The following PLCD4 variants were observed in gnomAD, a reference collection of about 807,000 sequenced individuals.
The protein encoded by PLCD4 is 1-phosphatidylinositol 4,5-bisphosphate phosphodiesterase delta-4.
PLCD4 carries 63 observed loss-of-function variants against 90.2 expected under a neutral mutation model. The observed-to-expected ratio is 0.70, with a 90% CI of 0.57 to 0.86. The LOEUF (loss-of-function observed/expected upper bound fraction) is 0.86. Among genes scored for constraint, PLCD4 ranks in the 40% least tolerant of loss-of-function variants. PLCD4 has a pLI of 0.00. For synonymous variants in PLCD4, 294 were observed against 356.5 expected (o/e 0.82, Z 1.97); for missense variants, 830 against 956.3 (o/e 0.87, Z 1.74).
At chr2:218,616,923 TATATAGAGAGAGAGAGAGAGAGAG>T (rs1695620759) in intron 3 of PLCD4, among the ~76,000 whole-genome samples, 1 of 24,140 alleles carries the variant, frequency 4.1e-5, no homozygotes, top group Non-Finnish European at 7.5e-5. Context: ...TATATATATA[TATATAGAGAGAGAGAGAGAGAGAG>T]AGAGAGAGAG....
At chr2:218,616,962 A>AGAGAT (rs1695637189) in intron 3 of PLCD4, among the ~76,000 whole-genome samples, 2 of 102,374 alleles carry the variant, frequency 2.0e-5, no homozygotes, top group African/African-American at 3.4e-5. Flanking sequence ...AGAGAGAGAG[A>AGAGAT]GAGAGAGAGA....
intron 6 of PLCD4, among the ~76,000 whole-genome samples, chr2:218,623,669 C>A (rs1024547471): frequency 6.6e-6 from 1 of 152,026 alleles, no homozygotes; most frequent in Non-Finnish European, 1.5e-5. Flanking sequence ...TCTCTATGTA[C>A]CTTTTCCTTT....
At chr2:218,625,878 G>A (rs935431208) in intron 6 of PLCD4, among the ~76,000 whole-genome samples, 3 of 152,144 alleles carry the variant, frequency 2.0e-5, no homozygotes, top group Non-Finnish European at 4.4e-5. Context: ...AGGTTGCAGT[G>A]AGTGGAAATC....
intron 1 of PLCD4, among the ~76,000 whole-genome samples, 157 bp from the exon 2 acceptor site, chr2:218,615,550 T>C (rs1399679945): frequency 2.6e-5 from 4 of 152,240 alleles, no homozygotes; most frequent in African/African-American, 9.6e-5. Flanking sequence ...GGATCAGACA[T>C]ATCTTGGTTT....
chr2:218,616,194 A>T, intron 3 of PLCD4, 132 bp downstream of exon 3: 1 of 1,015,192 alleles, frequency 9.9e-7, no homozygotes, highest in Non-Finnish European at 1.4e-6. Context: ...CTGAGCCTGT[A>T]AAAGGAGATC....
Position 218,634,335 on chromosome 2 carries a change from T to G in PLCD4, c.1723+114T>G. ...TCAAGAAAATTGCTAGGCTGAGAAA[T>G]GCTATCAGTGGATATTACCAGCAGG... On this transcript the variant is annotated intron_variant, in intron 12 of 15. Coordinates refer to ENST00000450993, the MANE Select transcript of PLCD4 (RefSeq NM_032726.4). The surrounding 1 kb of genome is among the most constrained non-coding windows in gnomAD (Gnocchi z 4.0). 6.4e-7 allele frequency: 1 copy of G among 1,571,984 alleles called. No homozygotes were observed. Among genetic ancestry groups the G allele is most frequent in the African/African-American group, 1.3e-5 (1 of 74,252 alleles).
intron 7 of PLCD4, 89 bp from the exon 8 acceptor site, chr2:218,629,430 C>T: frequency 1.4e-6 from 2 of 1,468,290 alleles, no homozygotes; most frequent in South Asian, 1.3e-5. Context: ...TGCTGGTGAG[C>T]ACTGTTCTCT....
intron 5 of PLCD4, chr2:218,622,238 T>G (rs575459512): frequency 6.4e-6 from 1 of 157,158 alleles, no homozygotes; most frequent in Non-Finnish European, 1.4e-5. Flanking sequence ...TGTGAGTAAA[T>G]AGGAGGAGGG....
In PLCD4 at chr2:218,633,828, AG is replaced by A. The variant is rs774613495; in HGVS notation, c.1606+69del. 25 of 1,561,524 alleles carry A rather than the reference AG, an allele frequency of 1.6e-5. No homozygotes were observed. The African/African-American group carries it at 3.4e-4, about 21-fold the overall frequency. On this transcript the variant is annotated intron_variant, in intron 11 of 15. Coordinates refer to ENST00000450993, the MANE Select transcript of PLCD4 (RefSeq NM_032726.4). ...ATAGGTTCAGGCCTGATGGACTGGC[AG>A]GTAAGTCCCAAGAAAAAAGACAAGG...
At chr2:218,629,406 T>G (rs912561668) in intron 7 of PLCD4, 113 bp from the exon 8 acceptor site, 1 of 1,250,092 alleles carries the variant, frequency 8.0e-7, no homozygotes, top group South Asian at 1.4e-5. Context: ...CTTGAAGGGG[T>G]CTGGATGGGT....
At chr2:218,614,089 G>A (rs983128188) in intron 1 of PLCD4, among the ~76,000 whole-genome samples, 3 of 149,968 alleles carry the variant, frequency 2.0e-5, no homozygotes, top group East Asian at 3.9e-4. Flanking sequence ...GCGTAATCTC[G>A]GCCCACTGCA....
Position 218,636,547 on chromosome 2 carries a change from C to A in PLCD4, c.2259C>A (p.Ile753=). The A allele has an allele frequency of 1.2e-6, 2 of 1,613,988 alleles. No individual in the cohort carries two copies. Among genetic ancestry groups the A allele is most frequent in the South Asian group, 1.1e-5 (1 of 91,080 alleles). The change falls in exon 16 of 16, where the codon ATC becomes ATA. Residue 753 remains isoleucine, a synonymous_variant. Transcript: ENST00000450993. ...RPASIFVYIC[I]QEGLEGDES ...CTTCCATCTTTGTGTATATCTGCAT[C>A]CAGGAAGGCCTGGAGGGGGATGAGT...
At chr2:218,614,151 C>T (rs1695473075) in intron 1 of PLCD4, among the ~76,000 whole-genome samples, 1 of 151,898 alleles carries the variant, frequency 6.6e-6, no homozygotes, top group Admixed American at 6.6e-5. Flanking sequence ...TCCTGAGTAG[C>T]TGGGATTACA....
At chr2:218,632,719 A>C (rs1364845758) in intron 10 of PLCD4, among the ~76,000 whole-genome samples, 1 of 152,088 alleles carries the variant, frequency 6.6e-6, no homozygotes, top group African/African-American at 2.4e-5. Flanking sequence ...TAACATTATT[A>C]TATTGGGTAA....
chr2:218,618,517 T>G (rs1396004548), intron 3 of PLCD4, 62 bp from the exon 4 acceptor site: 2 of 1,452,566 alleles, frequency 1.4e-6, no homozygotes, highest in African/African-American at 1.4e-5. Flanking sequence ...TCCTTCACTC[T>G]TAGCCCCTGC....
chr2:218,633,838 C>A, intron 11 of PLCD4, 77 bp downstream of exon 11: 1 of 1,528,772 alleles, frequency 6.5e-7, no homozygotes, highest in South Asian at 1.2e-5. Flanking sequence ...AGGTAAGTCC[C>A]AAGAAAAAAG....
intron 1 of PLCD4, among the ~76,000 whole-genome samples, chr2:218,608,698 C>T (rs912325421): frequency 5.3e-5 from 8 of 152,080 alleles, no homozygotes; most frequent in African/African-American, 1.4e-4. Context: ...GCCTGTGTAC[C>T]AAGTGTACTT....
Position 218,633,288 on chromosome 2 carries a change from G to A in PLCD4, c.1450-317G>A, listed in dbSNP as rs1696492954. Reference sequence around the variant, plus strand: ...AAATATAATAATAAATTTAAAACCTGTCACCCAGGATATAACATAGAGCAA... The same window carrying A: ...AAATATAATAATAAATTTAAAACCTATCACCCAGGATATAACATAGAGCAA... On this transcript the variant is annotated intron_variant, in intron 10 of 15. Coordinates refer to ENST00000450993, the MANE Select transcript of PLCD4 (RefSeq NM_032726.4). 3 of 653,704 alleles carry A rather than the reference G, an allele frequency of 4.6e-6. No homozygotes were observed. The Admixed American group carries it at 7.3e-5, about 16-fold the overall frequency. 40.5% of individuals were successfully genotyped at this position (653,704 alleles called of 1,614,324 possible).
chr2:218,612,868 C>G (rs1695406042), intron 1 of PLCD4, among the ~76,000 whole-genome samples: 1 of 152,184 alleles, frequency 6.6e-6, no homozygotes, highest in African/African-American at 2.4e-5. Context: ...TTAGTCACTA[C>G]TAGGTGACTT....
Sources: allele counts gnomAD v4.1 joint callset (sites outside exome capture counted in the v4.1 genomes callset), GRCh38; gene constraint gnomAD v4.1.1; non-coding constraint Gnocchi (gnomAD v3.1); transcripts MANE v1.5; gene names NCBI Gene and HGNC (gene_info 2026-07-23, HGNC 2026-07-21).